KLF12: variants seen among roughly 807,000 people sequenced by gnomAD.
KLF12 encodes Krueppel-like factor 12.
Under a neutral mutation model 37.8 loss-of-function variants are expected in KLF12, and 9 were observed. That is an observed-to-expected ratio of 0.24 (90% CI 0.14 to 0.42). KLF12 has a LOEUF of 0.42. KLF12 is among the 10% of genes least tolerant of loss of function. The pLI is 1.00. For synonymous variants in KLF12, 208 were observed against 202.1 expected (o/e 1.03, Z -0.25); for missense variants, 411 against 516.0 (o/e 0.80, Z 1.97).
At chr13:73,770,712 G>A (rs1880212472) in intron 5 of KLF12, among the ~76,000 whole-genome samples, 1 of 151,614 alleles carries the variant, frequency 6.6e-6, no homozygotes, top group South Asian at 2.1e-4. Flanking sequence ...TAGTAGAGAT[G>A]GCGTTTCACC....
chr13:73,870,427 T>C (rs1213930801), intron 3 of KLF12, among the ~76,000 whole-genome samples: 3 of 152,260 alleles, frequency 2.0e-5, no homozygotes, highest in Admixed American at 6.5e-5. Context: ...GGTTGGTTTC[T>C]ATGGTTAGCA....
the KLF12 span, among the ~76,000 whole-genome samples, chr13:74,152,460 C>A: frequency 2.6e-4 from 39 of 152,142 alleles, no homozygotes; most frequent in African/African-American, 8.4e-4. Flanking sequence ...CCCTAAGAAC[C>A]AATTTTTTGT....
At chr13:74,257,315 C>T in the KLF12 span, 4,971 of 152,398 alleles carry the variant, frequency 0.033, 120 homozygotes, top group Middle Eastern at 0.07. Context: ...GGCACAGGAG[C>T]AGATGAAATG....
the KLF12 span, among the ~76,000 whole-genome samples, chr13:74,276,301 T>A: frequency 6.6e-6 from 1 of 152,116 alleles, no homozygotes; most frequent in Admixed American, 6.6e-5. Flanking sequence ...TTTGTAGAGA[T>A]GGGTTCTCAC....
At chr13:73,772,172 A>C (rs1387980381) in intron 5 of KLF12, among the ~76,000 whole-genome samples, 3 of 152,126 alleles carry the variant, frequency 2.0e-5, no homozygotes, top group Non-Finnish European at 2.9e-5. Context: ...TACTTAACCA[A>C]CATTTATTGT....
chr13:73,852,068 A>G (rs1363847890), intron 3 of KLF12, among the ~76,000 whole-genome samples: 3 of 152,228 alleles, frequency 2.0e-5, no homozygotes, highest in Non-Finnish European at 2.9e-5. Flanking sequence ...AAAAGTCACC[A>G]CACATCCATT....
chr13:74,189,640 C>T, the KLF12 span, among the ~76,000 whole-genome samples: 1 of 152,216 alleles, frequency 6.6e-6, no homozygotes, highest in Non-Finnish European at 1.5e-5. Context: ...TCACCTCACT[C>T]TCCAACCCCT....
At chr13:73,978,234 C>T (rs560106291) in intron 2 of KLF12, among the ~76,000 whole-genome samples, 135 of 151,704 alleles carry the variant, frequency 8.9e-4, no homozygotes, top group African/African-American at 3.1e-3. Context: ...CTGTAAAGAC[C>T]GTTATCCAAA....
chr13:73,950,519 G>T (rs1226466728), intron 2 of KLF12, among the ~76,000 whole-genome samples: 1 of 152,162 alleles, frequency 6.6e-6, no homozygotes, highest in Admixed American at 6.5e-5. Context: ...CACACTTGGG[G>T]GTTGTGAGTT....
the KLF12 span, among the ~76,000 whole-genome samples, chr13:74,226,444 G>A: frequency 6.6e-6 from 1 of 152,164 alleles, no homozygotes; most frequent in Non-Finnish European, 1.5e-5. Context: ...GATCTTGGAT[G>A]TGTTCATTTA....
At chr13:73,733,505 C>T (rs1877223939) in intron 6 of KLF12, among the ~76,000 whole-genome samples, 3 of 152,110 alleles carry the variant, frequency 2.0e-5, no homozygotes, top group South Asian at 4.1e-4. Flanking sequence ...CTTTCTAATG[C>T]TGACACACAC....
intron 5 of KLF12, among the ~76,000 whole-genome samples, chr13:73,777,708 CA>C (rs111696965): frequency 1.0e-4 from 12 of 115,878 alleles, no homozygotes; most frequent in African/African-American, 1.9e-4. Flanking sequence ...AACTCCATTT[CA>C]AAAAAAAAAG....
At chr13:74,137,415 T>G (rs1327728732), upstream of KLF12, among the ~76,000 whole-genome samples, 2 of 152,202 alleles carry the variant, frequency 1.3e-5, no homozygotes, top group Non-Finnish European at 2.9e-5. Flanking sequence ...CCTAACTATA[T>G]ATAAAAACTT....
chr13:73,943,653 G>A (rs1487417437), intron 3 of KLF12, among the ~76,000 whole-genome samples: 1 of 152,156 alleles, frequency 6.6e-6, no homozygotes, highest in African/African-American at 2.4e-5. Context: ...TGAGGTTATA[G>A]TCCCACCTTA....
intron 3 of KLF12, among the ~76,000 whole-genome samples, chr13:73,877,075 A>T (rs1886743280): frequency 6.6e-6 from 1 of 152,018 alleles, no homozygotes; most frequent in African/African-American, 2.4e-5. Context: ...TACACATTCT[A>T]TTCCCATTCA....
intron 6 of KLF12, among the ~76,000 whole-genome samples, chr13:73,720,852 T>C (rs1212025260): frequency 6.6e-6 from 1 of 152,150 alleles, no homozygotes; most frequent in African/African-American, 2.4e-5. Flanking sequence ...TGATGAGATG[T>C]CCTTCACTGA....
intron 1 of KLF12, among the ~76,000 whole-genome samples, chr13:74,125,950 G>C (rs1364003877): frequency 6.6e-6 from 1 of 152,152 alleles, no homozygotes; most frequent in Non-Finnish European, 1.5e-5. Flanking sequence ...CTAGCGTTCA[G>C]CTCTCTACAG....
At chr13:74,236,768 C>A in the KLF12 span, among the ~76,000 whole-genome samples, 1 of 121,588 alleles carries the variant, frequency 8.2e-6, no homozygotes. Context: ...TATTCATGTC[C>A]TTCGCCCACT....
At chr13:74,107,978 T>C (rs892673774) in intron 1 of KLF12, among the ~76,000 whole-genome samples, 8 of 152,216 alleles carry the variant, frequency 5.3e-5, no homozygotes, top group Admixed American at 5.2e-4. Context: ...ATACTGTACA[T>C]ATGGTCCTTT....
Sources: gnomAD v4.1 joint callset for allele counts (sites outside exome capture counted in the v4.1 genomes callset) on GRCh38, gnomAD v4.1.1 for gene constraint, MANE v1.5 for transcripts, NCBI Gene and HGNC (gene_info 2026-07-23, HGNC 2026-07-21) for gene names.